CNTNAP3: variants seen among roughly 807,000 people sequenced by gnomAD.
CNTNAP3 encodes the protein contactin associated protein family member 3, also known as contactin-associated protein-like 3.
In CNTNAP3, 36 loss-of-function variants were observed where a neutral mutation model predicts 92.1. That is an observed-to-expected ratio of 0.39 (90% confidence interval 0.30 to 0.52). CNTNAP3 has a LOEUF of 0.52. Among genes scored for constraint, CNTNAP3 ranks in the 20% least tolerant of loss-of-function variants. The pLI is 0.76. For synonymous variants in CNTNAP3, 232 were observed against 422.3 expected (o/e 0.55, Z 5.53); for missense variants, 534 against 1,069.6 (o/e 0.50, Z 6.98).
rs1366617865 is a variant in CNTNAP3, at chr9:39,146,558, G to A, written c.1650-2212C>T. Among the ~76,000 whole-genome samples, 14 of 152,076 alleles carry A rather than the reference G, an allele frequency of 9.2e-5. 1 individual carries two copies. The highest frequency in any genetic ancestry group is 3.9e-4 in the East Asian group (2 of 5,172). The stretch of plus-strand genomic sequence containing the variant: ...CAAAAAATTAGCCAGGTGTGGTGGC[G>A]GGCGCCTGTAGTTCCAGCTACTCGG... On this transcript the variant is annotated intron_variant, in intron 10 of 23. Transcript: ENST00000297668.
At chr9:39,126,446 C>T (rs1433076024) in intron 13 of CNTNAP3, among the ~76,000 whole-genome samples, 1 of 152,072 alleles carries the variant, frequency 6.6e-6, no homozygotes, top group Non-Finnish European at 1.5e-5. Flanking sequence ...TAACTCATTC[C>T]ATGGGCCAGC....
chr9:39,079,031 C>G, intron 21 of CNTNAP3, 111 bp from the exon 22 acceptor site: 1 of 1,474,606 alleles, frequency 6.8e-7, no homozygotes, highest in East Asian at 2.5e-5. Flanking sequence ...CAGGAGAGGT[C>G]CCTCCGAACC....
chr9:39,065,416 ATAAG>A lies in CNTNAP3; in HGVS notation c.*8470_*8473del, dbSNP rs1825490101. ...AGGCAGTTTACAGTTTGGGGATATT[ATAAG>A]TAAAGATGCTATAAACGTTCTTGTG... On this transcript the variant is annotated 3_prime_UTR_variant, in exon 24 of 24. Coordinates refer to ENST00000297668, the MANE Select transcript of CNTNAP3 (RefSeq NM_033655.5). Among the ~76,000 whole-genome samples, 1 of 152,192 alleles carries A rather than the reference ATAAG, an allele frequency of 6.6e-6. No individual in the cohort carries two copies. Among genetic ancestry groups the A allele is most frequent in the South Asian group, 2.1e-4 (1 of 4,828 alleles).
chr9:39,098,752 T>C lies in CNTNAP3; in HGVS notation c.2995+1159A>G, dbSNP rs553356616. ...GAAAATTTAAATGACTTCTAGATAA[T>C]GAATCCTCAAAATTTTTTTGAAAGT... On this transcript the variant is annotated intron_variant, in intron 18 of 23. Transcript: ENST00000297668. Among the ~76,000 whole-genome samples, 6 of 152,256 alleles carry C rather than the reference T, an allele frequency of 3.9e-5. No individual in the cohort carries two copies. The South Asian group carries it at 8.3e-4, about 21-fold the overall frequency.
rs1156771459 is a variant in CNTNAP3 at position 39,073,106 on chromosome 9, A to G, written c.*784T>C. On this transcript the variant is annotated 3_prime_UTR_variant, in exon 24 of 24. Coordinates refer to ENST00000297668, the MANE Select transcript of CNTNAP3 (RefSeq NM_033655.5). The stretch of plus-strand genomic sequence containing the variant: ...TATTGACATCCTCTTGCATCTTGTT[A>G]CCTACCAATGTTCTGTTCCATTATA... 6.5e-6 allele frequency: 1 copy of G among 153,172 alleles called. No individual in the cohort carries two copies. Among genetic ancestry groups the G allele is most frequent in the African/African-American group, 2.4e-5 (1 of 41,488 alleles). The allele number at this position is 153,172 out of a possible 1,614,324, so 9.5% of individuals were successfully genotyped here. A position where few individuals can be genotyped will look rare whatever the true frequency, so the allele number is the denominator to read the frequency against.
rs573323856 is a variant in CNTNAP3 at position 39,123,689 on chromosome 9, A to G, written c.2081-5430T>C. On this transcript the variant is annotated intron_variant, in intron 13 of 23. Coordinates refer to ENST00000297668, the MANE Select transcript of CNTNAP3 (RefSeq NM_033655.5). ...TAAAATCTCGAAATAAACCAGAGTA[A>G]AATAAAACACCTTACCTACATAGGA... Among the ~76,000 whole-genome samples the G allele has an allele frequency of 3.5e-4, 54 of 152,258 alleles. 1 individual carries two copies. The East Asian group carries it at 8.7e-3, about 25-fold the overall frequency.
intron 12 of CNTNAP3, chr9:39,139,773 T>G (rs1205758287): frequency 6.6e-6 from 1 of 150,458 alleles, no homozygotes; most frequent in Admixed American, 6.6e-5. Context: ...TGAGATGCAG[T>G]CTTGCTCTGT....
rs10974153 is a variant in CNTNAP3 at position 39,118,281 on chromosome 9, C to G, written c.2081-22G>C. 3.8e-3 allele frequency: 6,131 copies of G among 1,599,192 alleles called. 77 individuals carry two copies. Among genetic ancestry groups the G allele is most frequent in the East Asian group, 0.027 (1,180 of 44,468 alleles). On this transcript the variant is annotated intron_variant, in intron 13 of 23. Transcript: ENST00000297668. ...CCATCTGAAAGACAAGTATAAGAAA[C>G]ATGACATCTACTTTGTCCCTCACTA...
intron 18 of CNTNAP3, among the ~76,000 whole-genome samples, chr9:39,093,054 T>C (rs1038975382): frequency 9.4e-4 from 135 of 142,900 alleles, no homozygotes; most frequent in Admixed American, 1.9e-3. Flanking sequence ...ACTCTTTGCA[T>C]GGTACATGTT....
intron 20 of CNTNAP3, chr9:39,086,066 C>T (rs1359943784): frequency 1.2e-5 from 7 of 575,036 alleles, no homozygotes; most frequent in Admixed American, 3.1e-5. Flanking sequence ...CTTTACTCTT[C>T]TTCATAATGG....
intron 17 of CNTNAP3, among the ~76,000 whole-genome samples, chr9:39,100,425 T>G (rs907836681): frequency 6.6e-6 from 1 of 152,230 alleles, no homozygotes; most frequent in Non-Finnish European, 1.5e-5. Flanking sequence ...AGAATTTCAC[T>G]TTAGTTCCTT....
rs1298423769 is a variant in CNTNAP3, at chr9:39,066,924, T to C, written c.*6966A>G. Among the ~76,000 whole-genome samples the C allele has an allele frequency of 6.6e-6, 1 of 152,210 alleles. No homozygotes were observed. The highest frequency in any genetic ancestry group is 1.5e-5 in the Non-Finnish European group (1 of 68,034). On this transcript the variant is annotated 3_prime_UTR_variant, in exon 24 of 24. Coordinates refer to ENST00000297668, the MANE Select transcript of CNTNAP3 (RefSeq NM_033655.5). ...AATGTGGAAAATGCTTATGTATTAATTTTTAAAAATATTTTTTTCTATCCA... is the reference window on the plus strand; with the variant it reads ...AATGTGGAAAATGCTTATGTATTAACTTTTAAAAATATTTTTTTCTATCCA...
chr9:39,143,654 C>A (rs1692969), intron 11 of CNTNAP3, among the ~76,000 whole-genome samples: 1 of 152,258 alleles, frequency 6.6e-6, no homozygotes, highest in Non-Finnish European at 1.5e-5. Flanking sequence ...TACTTTTACA[C>A]TTATTCACTT....
intron 13 of CNTNAP3, among the ~76,000 whole-genome samples, chr9:39,132,321 T>C (rs1758268): frequency 6.6e-6 from 1 of 152,172 alleles, no homozygotes; most frequent in Non-Finnish European, 1.5e-5. Context: ...TAGGAGAAGA[T>C]GGTTTTGATG....
rs1393127608 is a variant in CNTNAP3 at position 39,068,395 on chromosome 9, G to A, written c.*5495C>T. 2.0e-5 allele frequency among the ~76,000 whole-genome samples: 3 copies of A among 152,420 alleles called. No individual in the cohort carries two copies. The highest frequency in any genetic ancestry group is 1.3e-4 in the Admixed American group (2 of 15,312). On this transcript the variant is annotated 3_prime_UTR_variant, in exon 24 of 24. Transcript: ENST00000297668. ...CGCGCCACTGCACTCCAGCCTGAGC[G>A]ACAGAGCAAGACTCCGTCTCAAAAA...
intron 13 of CNTNAP3, among the ~76,000 whole-genome samples, chr9:39,128,529 T>C (rs1030219233): frequency 1.3e-5 from 2 of 151,424 alleles, no homozygotes; most frequent in African/African-American, 4.9e-5. Flanking sequence ...CCTTTCAAAA[T>C]AAAAACTGTC....
At chr9:39,140,876 G>A (rs2118092885) in intron 11 of CNTNAP3, among the ~76,000 whole-genome samples, 1 of 152,296 alleles carries the variant, frequency 6.6e-6, no homozygotes, top group African/African-American at 2.4e-5. Flanking sequence ...AATGTTGGAT[G>A]TTGTTAGATG....
chr9:39,070,487 A>G lies in CNTNAP3; in HGVS notation c.*3403T>C. Reference sequence around the variant, plus strand: ...AAAACAACGGAATTCATGGATATAGAGTAGAAGGATGGTTAGTAAAGGCTG... The same window carrying G: ...AAAACAACGGAATTCATGGATATAGGGTAGAAGGATGGTTAGTAAAGGCTG... On this transcript the variant is annotated 3_prime_UTR_variant, in exon 24 of 24. Transcript: ENST00000297668. 1.4e-5 allele frequency among the ~76,000 whole-genome samples: 2 copies of G among 144,090 alleles called. No individual in the cohort carries two copies. The highest frequency in any genetic ancestry group is 4.6e-4 in the South Asian group (2 of 4,358). 94.5% of individuals were successfully genotyped at this position (144,090 alleles called of 152,430 possible). A position where few individuals can be genotyped will look rare whatever the true frequency, so the allele number is the denominator to read the frequency against.
intron 15 of CNTNAP3, among the ~76,000 whole-genome samples, chr9:39,104,376 A>G (rs1275124359): frequency 6.6e-6 from 1 of 152,016 alleles, no homozygotes; most frequent in East Asian, 1.9e-4. Context: ...TTCATTTGAG[A>G]TATCTATTAG....
Sources: gnomAD v4.1 joint callset for allele counts (sites outside exome capture counted in the v4.1 genomes callset) on GRCh38, gnomAD v4.1.1 for gene constraint, MANE v1.5 for transcripts, NCBI Gene and HGNC (gene_info 2026-07-23, HGNC 2026-07-21) for gene names.